Variants in ERICH1 observed in about 807,000 individuals in gnomAD.
ERICH1 encodes glutamate rich 1.
Under a neutral mutation model 39.6 loss-of-function variants are expected in ERICH1, and 56 were observed. The ratio of observed to expected loss-of-function variants is 1.41; its 90% CI spans 1.14 to 1.77. The LOEUF (loss-of-function observed/expected upper bound fraction) is 1.77. Ranked by LOEUF, ERICH1 falls within the 40% of genes most tolerant of loss-of-function variation. The pLI, the probability that ERICH1 is intolerant of heterozygous loss-of-function variation, is 0.00. For synonymous variants in ERICH1, 313 were observed against 223.6 expected, an observed-to-expected ratio of 1.40 and a Z score of -3.57; for missense variants, 826 against 575.4, an observed-to-expected ratio of 1.44 and a Z score of -4.45.
rs1423997197 is a variant in ERICH1 at position 673,690 on chromosome 8, G to T, written c.662C>A (p.Ala221Asp). Residue 221 changes from alanine (A) to aspartate (D), a missense_variant, in exon 4 of 6, where the codon GCC becomes GAC. Transcript: ENST00000262109. Reference protein sequence around the residue: ...VDTSEEDPTLAGEEDVKDTRE... With the variant: ...VDTSEEDPTLDGEEDVKDTRE... ...GGTATCTTTAACGTCTTCCTCCCCG[G>T]CCAGTGTCGGGTCTTCCTCGCTGGT... 2 of 1,613,800 alleles carry T rather than the reference G, an allele frequency of 1.2e-6. No homozygotes were observed. The highest frequency in any genetic ancestry group is 1.3e-5 in the African/African-American group (1 of 74,932).
At position 674,500 on chromosome 8, in the gene ERICH1, C is replaced by T. The variant is rs545331995; in HGVS notation, c.305-453G>A. ...TTTATTTTCAGTAGAGACGGGGTTTCGCCATGTTGGCCAGGGTTGTCTCAA... is the reference window on the plus strand; with the variant it reads ...TTTATTTTCAGTAGAGACGGGGTTTTGCCATGTTGGCCAGGGTTGTCTCAA... On this transcript the variant is annotated intron_variant, in intron 3 of 5. Coordinates refer to ENST00000262109, the MANE Select transcript of ERICH1 (RefSeq NM_207332.3). 9.2e-5 allele frequency among the ~76,000 whole-genome samples: 14 copies of T among 152,054 alleles called. No individual in the cohort carries two copies. In the South Asian group the frequency reaches 2.5e-3, roughly 27 times the overall value.
chr8:718,181 A>T (rs1816467481), intron 1 of ERICH1, among the ~76,000 whole-genome samples: 1 of 151,392 alleles, frequency 6.6e-6, no homozygotes, highest in Non-Finnish European at 1.5e-5. Context: ...CGCACAACAC[A>T]CCAGGGTACA....
intron 5 of ERICH1, chr8:666,373 G>A (rs1006730054): frequency 3.3e-5 from 5 of 151,896 alleles, no homozygotes; most frequent in African/African-American, 7.3e-5. Flanking sequence ...TTTTTTTTGC[G>A]GTTTGAGATA....
chr8:724,251 T>C (rs904949529), intron 1 of ERICH1, among the ~76,000 whole-genome samples: 1 of 152,148 alleles, frequency 6.6e-6, no homozygotes, highest in Non-Finnish European at 1.5e-5. Flanking sequence ...CTGCTCAGGA[T>C]GCTGCGTCAG....
chr8:716,433 T>G (rs957198365), intron 1 of ERICH1, among the ~76,000 whole-genome samples: 1 of 152,246 alleles, frequency 6.6e-6, no homozygotes, highest in African/African-American at 2.4e-5. Context: ...GGTGAGTGAA[T>G]GGAGCAGGTC....
At position 731,164 on chromosome 8, in the gene ERICH1, G is replaced by C. The variant is rs761872650; in HGVS notation, c.-3C>G. On this transcript the variant is annotated 5_prime_UTR_variant, in exon 1 of 6. Coordinates refer to ENST00000262109, the MANE Select transcript of ERICH1 (RefSeq NM_207332.3). ...CCGTGCTTCCTGTGCGCCGCCATGC[G>C]GGACCCTGCCGCGGACCTCAGACCA... 6.6e-7 allele frequency: 1 copy of C among 1,509,924 alleles called. No individual in the cohort carries two copies. The highest frequency in any genetic ancestry group is 8.8e-7 in the Non-Finnish European group (1 of 1,131,336). The allele number at this position is 1,509,924 out of a possible 1,614,324, so 93.5% of individuals were successfully genotyped here.
chr8:676,885 A>C (rs1482305464), intron 3 of ERICH1, among the ~76,000 whole-genome samples: 1 of 152,260 alleles, frequency 6.6e-6, no homozygotes, highest in Non-Finnish European at 1.5e-5. Flanking sequence ...TGAAGAATCA[A>C]GATGAAACAA....
chr8:658,018 C>A (rs6993769), intron 3 of ERICH1, among the ~76,000 whole-genome samples: 1 of 152,032 alleles, frequency 6.6e-6, no homozygotes, highest in African/African-American at 2.4e-5. Context: ...GGGCCCCACC[C>A]GATCCCCACG....
chr8:696,213 C>T (rs1810226122), intron 2 of ERICH1, among the ~76,000 whole-genome samples: 2 of 63,148 alleles, frequency 3.2e-5, no homozygotes. Context: ...TCCCCATCAG[C>T]CTGCGCCTGT....
At chr8:640,040 G>T (rs888532296) in intron 3 of ERICH1, among the ~76,000 whole-genome samples, 11 of 152,284 alleles carry the variant, frequency 7.2e-5, no homozygotes, top group African/African-American at 2.6e-4. Flanking sequence ...AGCCCTGATG[G>T]GGAGTGGCTC....
At chr8:705,029 G>C (rs1812945170) in intron 2 of ERICH1, among the ~76,000 whole-genome samples, 1 of 152,184 alleles carries the variant, frequency 6.6e-6, no homozygotes, top group Non-Finnish European at 1.5e-5. Flanking sequence ...CAGTTATTTT[G>C]GTTGTTGACA....
At chr8:681,247 G>T (rs891589322) in intron 3 of ERICH1, among the ~76,000 whole-genome samples, 3 of 152,202 alleles carry the variant, frequency 2.0e-5, no homozygotes, top group African/African-American at 7.2e-5. Context: ...CTGAGTCATG[G>T]TGGCTACTCC....
At chr8:664,789 TAA>T in intron 5 of ERICH1, 113 bp from the exon 6 acceptor site, 9 of 751,108 alleles carry the variant, frequency 1.2e-5, no homozygotes, top group Non-Finnish European at 2.1e-6. Context: ...CCAAATAATC[TAA>T]TAAAATGCAA....
chr8:708,667 T>C (rs1465058624), intron 2 of ERICH1, among the ~76,000 whole-genome samples: 1 of 147,400 alleles, frequency 6.8e-6, no homozygotes, highest in Non-Finnish European at 1.5e-5. Context: ...GGCTGAGTGG[T>C]TACGGGATAA....
At chr8:630,165 C>T (rs1343920103) in intron 3 of ERICH1, among the ~76,000 whole-genome samples, 4 of 117,716 alleles carry the variant, frequency 3.4e-5, no homozygotes, top group East Asian at 2.9e-4. Flanking sequence ...ACCACCCACA[C>T]AGACAGAGCT....
intron 1 of ERICH1, 104 bp downstream of exon 1, chr8:731,036 G>A: frequency 1.5e-6 from 2 of 1,293,842 alleles, no homozygotes; most frequent in Non-Finnish European, 2.0e-6. Flanking sequence ...GGTTTGGGGT[G>A]GGGCCTGGAA....
At chr8:623,958 C>G (rs749147817) in intron 3 of ERICH1, among the ~76,000 whole-genome samples, 2 of 152,040 alleles carry the variant, frequency 1.3e-5, no homozygotes, top group Non-Finnish European at 2.9e-5. Flanking sequence ...ATAAAGAAGA[C>G]AACATACAGA....
chr8:711,450 A>T (rs1669619), intron 2 of ERICH1, among the ~76,000 whole-genome samples: 48,070 of 151,736 alleles, frequency 0.32, 8,163 homozygotes, highest in African/African-American at 0.42. Flanking sequence ...TTGCCTCCCA[A>T]GTAATCTTCT....
At chr8:692,979 G>T (rs968102841) in intron 2 of ERICH1, among the ~76,000 whole-genome samples, 3 of 152,108 alleles carry the variant, frequency 2.0e-5, no homozygotes, top group African/African-American at 7.2e-5. Flanking sequence ...ATCACACGAG[G>T]AGTCCCTGGG....
Sources: allele counts gnomAD v4.1 joint callset (sites outside exome capture counted in the v4.1 genomes callset), GRCh38; gene constraint gnomAD v4.1.1; transcripts MANE v1.5; gene names NCBI Gene and HGNC (gene_info 2026-07-23, HGNC 2026-07-21).